The following MTMR7 variants were observed in gnomAD, a reference collection of about 807,000 sequenced individuals.
The protein encoded by MTMR7 is phosphatidylinositol-3-phosphate phosphatase MTMR7.
Under a neutral mutation model 81.2 loss-of-function variants are expected in MTMR7, and 76 were observed. The ratio of observed to expected loss-of-function variants is 0.94; its 90% CI spans 0.78 to 1.13. The LOEUF is 1.13. Among genes scored for constraint, MTMR7 ranks in the 50% most tolerant of loss-of-function variants. MTMR7 has a pLI of 0.00. For missense variants in MTMR7, 1,044 were observed against 820.0 expected, an observed-to-expected ratio of 1.27 and a Z score of -3.34; for synonymous variants, 372 against 289.8, an observed-to-expected ratio of 1.28 and a Z score of -2.88.
chr8:17,309,931 C>CT (rs1336467113), intron 9 of MTMR7, among the ~76,000 whole-genome samples: 2 of 152,134 alleles, frequency 1.3e-5, no homozygotes, highest in African/African-American at 4.8e-5. Context: ...ACATGAATTT[C>CT]TAAGTCTGAG....
intron 8 of MTMR7, among the ~76,000 whole-genome samples, chr8:17,312,700 CTAAA>C (rs1817858155): frequency 6.6e-6 from 1 of 151,718 alleles, no homozygotes; most frequent in African/African-American, 2.4e-5. Flanking sequence ...GTACCTGGCA[CTAAA>C]TAAAGATTTC....
At chr8:17,340,313 C>T (rs1376632420) in intron 6 of MTMR7, among the ~76,000 whole-genome samples, 6 of 152,248 alleles carry the variant, frequency 3.9e-5, no homozygotes, top group African/African-American at 1.4e-4. Context: ...CCTAACAGGA[C>T]ATCCTGGACT....
chr8:17,312,751 A>G (rs528036479), intron 8 of MTMR7, among the ~76,000 whole-genome samples: 1 of 152,272 alleles, frequency 6.6e-6, no homozygotes, highest in South Asian at 2.1e-4. Flanking sequence ...GGAACATACC[A>G]TGGCATCAGG....
intron 7 of MTMR7, among the ~76,000 whole-genome samples, chr8:17,329,754 A>G (rs1818896980): frequency 2.6e-5 from 4 of 152,236 alleles, no homozygotes; most frequent in African/African-American, 9.6e-5. Flanking sequence ...CATAAAAAAC[A>G]TAGTTTGTAG....
chr8:17,411,970 A>G (rs1821747911), intron 1 of MTMR7, among the ~76,000 whole-genome samples: 2 of 152,148 alleles, frequency 1.3e-5, no homozygotes, highest in Non-Finnish European at 2.9e-5. Flanking sequence ...AGTTAAATTC[A>G]CCCTTCTGGA....
rs531623292 is a variant in MTMR7, at chr8:17,358,221, C to A, written c.468+2896G>T. ...AGAAGGTTAAAAAGAAGGGGTTAAA[C>A]AGAGCTCCACCAAGCAAACTCTGAC... On this transcript the variant is annotated intron_variant, in intron 4 of 13. Coordinates refer to ENST00000180173, the MANE Select transcript of MTMR7 (RefSeq NM_004686.5). Among the ~76,000 whole-genome samples the A allele has an allele frequency of 2.0e-5, 3 of 152,164 alleles. No individual in the cohort carries two copies. The South Asian group carries it at 6.2e-4, about 32-fold the overall frequency.
intron 5 of MTMR7, among the ~76,000 whole-genome samples, chr8:17,345,111 G>A (rs17124429): frequency 0.051 from 7,822 of 152,208 alleles, 579 homozygotes; most frequent in African/African-American, 0.17. Flanking sequence ...TATTCAAAGG[G>A]AGCCCACGTG....
intron 1 of MTMR7, among the ~76,000 whole-genome samples, chr8:17,391,828 T>C (rs919412677): frequency 2.2e-4 from 33 of 152,194 alleles, no homozygotes; most frequent in Admixed American, 1.9e-3. Flanking sequence ...TATAAAGTTG[T>C]CATAGCCTGC....
intron 11 of MTMR7, among the ~76,000 whole-genome samples, chr8:17,304,852 A>G (rs1817353102): frequency 6.6e-6 from 1 of 151,926 alleles, no homozygotes; most frequent in African/African-American, 2.4e-5. Flanking sequence ...TAAATGTTCC[A>G]CGTTTTCTCT....
chr8:17,335,495 T>C (rs2150536132), intron 6 of MTMR7, among the ~76,000 whole-genome samples: 1 of 152,308 alleles, frequency 6.6e-6, no homozygotes, highest in Admixed American at 6.5e-5. Flanking sequence ...AGTCCTCAAG[T>C]CTACCATTTC....
At chr8:17,410,908 C>G (rs1032100000) in intron 1 of MTMR7, among the ~76,000 whole-genome samples, 4 of 152,132 alleles carry the variant, frequency 2.6e-5, no homozygotes, top group African/African-American at 4.8e-5. Context: ...TATAAACCCA[C>G]AGTGGGCCAG....
At chr8:17,372,448 C>T (rs935724577) in intron 2 of MTMR7, among the ~76,000 whole-genome samples, 1 of 151,936 alleles carries the variant, frequency 6.6e-6, no homozygotes, top group Non-Finnish European at 1.5e-5. Context: ...GTCAGCCAGG[C>T]GTGGTGGCGC....
intron 7 of MTMR7, among the ~76,000 whole-genome samples, chr8:17,325,356 C>T (rs1167585556): frequency 6.6e-6 from 1 of 152,158 alleles, no homozygotes; most frequent in South Asian, 2.1e-4. Context: ...GATTTCAATC[C>T]ATCAGGCCTC....
intron 1 of MTMR7, among the ~76,000 whole-genome samples, chr8:17,403,067 A>G (rs1255899191): frequency 6.6e-6 from 1 of 152,114 alleles, no homozygotes; most frequent in Admixed American, 6.6e-5. Context: ...GTCTATTTAG[A>G]AATTTTGTCT....
intron 11 of MTMR7, among the ~76,000 whole-genome samples, chr8:17,305,418 A>G (rs1179732734): frequency 6.6e-6 from 1 of 152,172 alleles, no homozygotes; most frequent in East Asian, 1.9e-4. Flanking sequence ...AATTTTTATT[A>G]TGGTAGCATA....
intron 1 of MTMR7, among the ~76,000 whole-genome samples, chr8:17,378,247 G>A (rs1056118436): frequency 2.0e-5 from 3 of 151,842 alleles, no homozygotes; most frequent in Admixed American, 1.3e-4. Context: ...AATAAGGAGG[G>A]GAACACCAAC....
At chr8:17,304,264 T>G (rs1817308370) in intron 12 of MTMR7, 115 bp downstream of exon 12, 1 of 1,199,428 alleles carries the variant, frequency 8.3e-7, no homozygotes. Flanking sequence ...CTGGTGTCTT[T>G]TGTGTCCAAT....
Position 17,305,774 on chromosome 8 carries a change from C to T in MTMR7, c.1335G>A (p.Lys445=). The T allele has an allele frequency of 6.2e-7, 1 of 1,612,164 alleles. No homozygotes were observed. The highest frequency in any genetic ancestry group is 1.1e-5 in the South Asian group (1 of 91,010). ...ACACTTACTTGAGTTCTCGTCTCTCCTTTTGGCTGTTACATAGGAAGTTTC... is the reference window on the plus strand; with the variant it reads ...ACACTTACTTGAGTTCTCGTCTCTCTTTTTGGCTGTTACATAGGAAGTTTC... ...QFGNFLCNSQ[K]ERRELKIQER... The change falls in exon 11 of 14, where the codon AAG becomes AAA. Residue 445 remains lysine (K), a synonymous_variant. Coordinates refer to ENST00000180173, the MANE Select transcript of MTMR7 (RefSeq NM_004686.5).
intron 5 of MTMR7, among the ~76,000 whole-genome samples, chr8:17,347,262 A>G (rs1819583306): frequency 6.6e-6 from 1 of 152,192 alleles, no homozygotes; most frequent in South Asian, 2.1e-4. Context: ...TGCAAGCTGA[A>G]ATACATTCAG....
Sources: allele counts gnomAD v4.1 joint callset (sites outside exome capture counted in the v4.1 genomes callset), GRCh38; gene constraint gnomAD v4.1.1; transcripts MANE v1.5; gene names NCBI Gene and HGNC (gene_info 2026-07-23, HGNC 2026-07-21).